Variants in SLC24A2 observed in about 807,000 individuals in gnomAD.
SLC24A2 encodes the protein sodium/potassium/calcium exchanger 2.
In SLC24A2, 36 loss-of-function variants were observed where a neutral mutation model predicts 62.0. That is an observed-to-expected ratio of 0.58 (90% confidence interval 0.44 to 0.77). The LOEUF (loss-of-function observed/expected upper bound fraction) is 0.77. SLC24A2 is among the 30% of genes least tolerant of loss of function. The pLI is 0.00. For synonymous variants in SLC24A2, 358 were observed against 294.0 expected (o/e 1.22, Z -2.23); for missense variants, 846 against 817.9 (o/e 1.03, Z -0.42).
the SLC24A2 span, among the ~76,000 whole-genome samples, chr9:20,091,973 T>C: frequency 3.9e-5 from 6 of 152,302 alleles, no homozygotes; most frequent in Admixed American, 3.3e-4. Flanking sequence ...ACATTATCCT[T>C]AGCAAACTAA....
At chr9:19,951,538 T>A in the SLC24A2 span, among the ~76,000 whole-genome samples, 8 of 139,414 alleles carry the variant, frequency 5.7e-5, no homozygotes, top group Non-Finnish European at 1.1e-4. Context: ...TTTTGTGTAA[T>A]GTTTGAGGTA....
the SLC24A2 span, among the ~76,000 whole-genome samples, chr9:19,979,039 T>A: frequency 8.5e-5 from 13 of 152,278 alleles, no homozygotes; most frequent in African/African-American, 2.6e-4. Flanking sequence ...GTAAATTAGA[T>A]CTTTGTCTAC....
At chr9:20,173,703 CACAA>C in the SLC24A2 span, among the ~76,000 whole-genome samples, 2 of 152,016 alleles carry the variant, frequency 1.3e-5, no homozygotes, top group Non-Finnish European at 2.9e-5. Flanking sequence ...TCATAGAACA[CACAA>C]ACAAATGGAA....
chr9:19,673,512 G>A (rs12000202), intron 2 of SLC24A2, among the ~76,000 whole-genome samples: 2,181 of 151,846 alleles, frequency 0.014, 77 homozygotes, highest in African/African-American at 0.05. Flanking sequence ...GCAGTGGCAC[G>A]ATATCAGTTC....
At chr9:19,706,956 T>C (rs1321815562) in intron 2 of SLC24A2, among the ~76,000 whole-genome samples, 2 of 151,702 alleles carry the variant, frequency 1.3e-5, no homozygotes, top group East Asian at 1.9e-4. Context: ...AAAAAATTAA[T>C]GAATCCAGGA....
the SLC24A2 span, among the ~76,000 whole-genome samples, chr9:20,260,586 T>G: frequency 6.6e-6 from 1 of 152,226 alleles, no homozygotes. Flanking sequence ...TTCATTTTGT[T>G]CTGCTATAAC....
At chr9:19,841,874 T>C in the SLC24A2 span, among the ~76,000 whole-genome samples, 1 of 152,130 alleles carries the variant, frequency 6.6e-6, no homozygotes, top group Admixed American at 6.5e-5. Flanking sequence ...CCCTAGTGCT[T>C]ATTGGGCCCA....
At chr9:20,031,989 A>T in the SLC24A2 span, among the ~76,000 whole-genome samples, 2 of 152,212 alleles carry the variant, frequency 1.3e-5, no homozygotes, top group East Asian at 1.9e-4. Flanking sequence ...GAGGGACACA[A>T]TTCAGATCTT....
intron 2 of SLC24A2, among the ~76,000 whole-genome samples, chr9:19,630,425 A>G (rs1281891015): frequency 6.6e-6 from 1 of 152,126 alleles, no homozygotes; most frequent in African/African-American, 2.4e-5. Context: ...TTTTATTTTA[A>G]AAAAGATTAG....
chr9:19,907,861 C>T, the SLC24A2 span, among the ~76,000 whole-genome samples: 2 of 152,158 alleles, frequency 1.3e-5, no homozygotes, highest in African/African-American at 4.8e-5. Flanking sequence ...AAGAACATTC[C>T]ATGCTCATGG....
chr9:19,624,422 G>A (rs138137625), intron 2 of SLC24A2, among the ~76,000 whole-genome samples: 1,552 of 151,866 alleles, frequency 0.01, 22 homozygotes, highest in Non-Finnish European at 0.012. Context: ...CTAAATACAT[G>A]ATTAAGGAAG....
At chr9:19,795,883 A>G in the SLC24A2 span, among the ~76,000 whole-genome samples, 7 of 152,128 alleles carry the variant, frequency 4.6e-5, no homozygotes, top group East Asian at 1.9e-4. Flanking sequence ...ATGTCCAACA[A>G]TGATAGACTG....
chr9:19,652,832 C>A (rs2118172700), intron 2 of SLC24A2, among the ~76,000 whole-genome samples: 1 of 152,302 alleles, frequency 6.6e-6, no homozygotes. Context: ...ATTCAATGAT[C>A]ATTCATCCAT....
intron 2 of SLC24A2, among the ~76,000 whole-genome samples, chr9:19,702,746 G>T (rs1820392832): frequency 1.3e-5 from 2 of 152,014 alleles, no homozygotes; most frequent in South Asian, 2.1e-4. Context: ...ACTACCAAGT[G>T]TTTTATCTTG....
At chr9:19,562,950 T>A (rs1586965891) in intron 7 of SLC24A2, among the ~76,000 whole-genome samples, 1 of 152,144 alleles carries the variant, frequency 6.6e-6, no homozygotes, top group East Asian at 1.9e-4. Flanking sequence ...CAAAAGATTT[T>A]AAAAAATTAA....
the SLC24A2 span, among the ~76,000 whole-genome samples, chr9:20,056,593 T>C: frequency 6.6e-6 from 1 of 152,196 alleles, no homozygotes; most frequent in African/African-American, 2.4e-5. Flanking sequence ...TATCAAAAAG[T>C]TTTCCTAACC....
intron 2 of SLC24A2, among the ~76,000 whole-genome samples, chr9:19,761,583 T>C (rs1822332173): frequency 6.6e-6 from 1 of 152,110 alleles, no homozygotes; most frequent in African/African-American, 2.4e-5. Flanking sequence ...CTGCACCCAT[T>C]AACTTCTCAT....
the SLC24A2 span, among the ~76,000 whole-genome samples, chr9:20,153,056 C>T: frequency 6.6e-6 from 1 of 151,920 alleles, no homozygotes; most frequent in Admixed American, 6.6e-5. Flanking sequence ...AAAAGCAACA[C>T]ATGCTTATAC....
At chr9:19,553,681 G>A (rs1399650612) in intron 7 of SLC24A2, among the ~76,000 whole-genome samples, 1 of 152,216 alleles carries the variant, frequency 6.6e-6, no homozygotes, top group African/African-American at 2.4e-5. Flanking sequence ...TGCTCAGGCT[G>A]TGATTCCTTG....
Sources: allele counts gnomAD v4.1 joint callset (sites outside exome capture counted in the v4.1 genomes callset), GRCh38; gene constraint gnomAD v4.1.1; transcripts MANE v1.5; gene names NCBI Gene and HGNC (gene_info 2026-07-23, HGNC 2026-07-21).